The following PLG variants were observed in gnomAD, a reference collection of about 807,000 sequenced individuals.
PLG encodes the protein plasmin.
A neutral mutation model predicts 104.4 loss-of-function variants in PLG; 41 were observed. That is an observed-to-expected ratio of 0.39 (90% confidence interval 0.31 to 0.51). The LOEUF (loss-of-function observed/expected upper bound fraction) is 0.51. Among genes scored for constraint, PLG ranks in the 20% least tolerant of loss-of-function variants. The pLI is 0.76. For synonymous variants in PLG, 337 were observed against 357.1 expected, an observed-to-expected ratio of 0.94 and a Z score of 0.63; for missense variants, 891 against 1,003.6, an observed-to-expected ratio of 0.89 and a Z score of 1.52.
In PLG at chr6:160,737,657, A is replaced by G. The variant is rs768000397; in HGVS notation, c.1802+650A>G. ...GGAAGCAAGCATAGGAAACAGGCCC[A>G]TCCGTCTGCCTGTTTTGCTTCCTCA... On this transcript the variant is annotated intron_variant, in intron 14 of 18. Transcript: ENST00000308192. The surrounding 1 kb of genome is among the most constrained non-coding windows in gnomAD (Gnocchi z 4.7). Among the ~76,000 whole-genome samples, 13 of 152,312 alleles carry G rather than the reference A, an allele frequency of 8.5e-5. No homozygotes were observed. Among genetic ancestry groups the G allele is most frequent in the Non-Finnish European group, 1.6e-4 (11 of 68,028 alleles).
intron 3 of PLG, 22 bp from the exon 4 acceptor site, chr6:160,711,055 C>A (rs1777631209): frequency 1.2e-6 from 2 of 1,611,918 alleles, no homozygotes; most frequent in African/African-American, 1.3e-5. Context: ...AGACTTTGAC[C>A]ACTGTGTGGA....
rs768658886 is a variant in PLG, at chr6:160,718,647, CT to C, written c.951-40del. The stretch of plus-strand genomic sequence containing the variant: ...TGTTCTCAAAGCGTGGTTCCCTAGA[CT>C]TTTTTCTTTTTGGAAAGCTAAACTC... On this transcript the variant is annotated intron_variant, in intron 8 of 18. Transcript: ENST00000308192. 20 of 1,605,088 alleles carry C rather than the reference CT, an allele frequency of 1.2e-5. 2 individuals are homozygous for C. In the South Asian group the frequency reaches 2.2e-4, roughly 18 times the overall value.
Position 160,720,391 on chromosome 6 carries a change from CTCTT to C in PLG, c.1096+1555_1096+1558del, listed in dbSNP as rs1400448919. On this transcript the variant is annotated intron_variant, in intron 9 of 18. Coordinates refer to ENST00000308192, the MANE Select transcript of PLG (RefSeq NM_000301.5). ...TGTAGATTGTTGATTTTTTTCTTTT[CTCTT>C]TTTTCTTTTCTTTTCTTTTTTTTTT... Among the ~76,000 whole-genome samples the C allele has an allele frequency of 4.9e-5, 6 of 121,454 alleles. No homozygotes were observed. The East Asian group carries it at 6.7e-4, about 14-fold the overall frequency. The allele number at this position is 121,454 out of a possible 152,430, so 79.7% of individuals were successfully genotyped here. A position where few individuals can be genotyped will look rare whatever the true frequency, so the allele number is the denominator to read the frequency against.
At chr6:160,702,505 A>G (rs1777436230) in intron 1 of PLG, 152 bp downstream of exon 1, 1 of 1,120,864 alleles carries the variant, frequency 8.9e-7, no homozygotes, top group African/African-American at 1.6e-5. Context: ...GAATTCTTCA[A>G]GAAATAAGTT....
chr6:160,711,532 T>C (rs974211163), intron 4 of PLG: 3 of 1,579,364 alleles, frequency 1.9e-6, no homozygotes, highest in African/African-American at 1.3e-5. Context: ...CCAACTGTAT[T>C]TAGGATAATT....
chr6:160,728,616 T>C (rs1261109610), intron 10 of PLG, among the ~76,000 whole-genome samples: 6 of 152,122 alleles, frequency 3.9e-5, no homozygotes, highest in African/African-American at 1.4e-4. Context: ...TCAATTTAGT[T>C]TCTAGGTAGG....
intron 5 of PLG, chr6:160,713,470 C>T (rs772116870): frequency 1.9e-5 from 6 of 322,174 alleles, no homozygotes; most frequent in East Asian, 7.9e-5. Context: ...GGTTTCTCCA[C>T]GTAGGTCAGG....
intron 17 of PLG, among the ~76,000 whole-genome samples, chr6:160,748,432 G>A (rs1483252295): frequency 1.4e-5 from 1 of 70,422 alleles, no homozygotes; most frequent in Non-Finnish European, 2.7e-5. Flanking sequence ...GAAAGAGAAC[G>A]AAAGAAAGAA....
intron 1 of PLG, among the ~76,000 whole-genome samples, chr6:160,704,422 T>C (rs12212146): frequency 0.041 from 6,279 of 152,326 alleles, 213 homozygotes; most frequent in Non-Finnish European, 0.069. Flanking sequence ...AGTTGTAGCC[T>C]GCTCTGCTAT....
At position 160,741,085 on chromosome 6, in the gene PLG, T is replaced by A. The variant is rs1333049138; in HGVS notation, c.2019-226T>A. 1.3e-5 allele frequency among the ~76,000 whole-genome samples: 2 copies of A among 152,236 alleles called. No homozygotes were observed. The highest frequency in any genetic ancestry group is 4.8e-5 in the African/African-American group (2 of 41,460). On this transcript the variant is annotated intron_variant, in intron 16 of 18. Coordinates refer to ENST00000308192, the MANE Select transcript of PLG (RefSeq NM_000301.5). The surrounding 1 kb of genome is among the most constrained non-coding windows in gnomAD (Gnocchi z 4.7). Reference sequence around the variant, plus strand: ...AAGGTGAAGGCCACCAGCAGTATCTTGCATGCAACTGATGCCTTTCAAATG... The same window carrying A: ...AAGGTGAAGGCCACCAGCAGTATCTAGCATGCAACTGATGCCTTTCAAATG...
In PLG at chr6:160,707,749, A is replaced by G; in HGVS notation, c.235A>G (p.Asn79Asp). 6.2e-7 allele frequency: 1 copy of G among 1,611,652 alleles called. No homozygotes were observed. Among genetic ancestry groups the G allele is most frequent in the South Asian group, 1.1e-5 (1 of 90,976 alleles). The change falls in exon 3 of 19, where the codon AAC becomes GAC. Residue 79 changes from asparagine to aspartate, a missense_variant. By Grantham distance (23) the Asn-to-Asp change is conservative. Coordinates refer to ENST00000308192, the MANE Select transcript of PLG (RefSeq NM_000301.5). ...GCAACAATGTGTGATAATGGCTGAA[A>G]ACAGGAAGTCCTCCATAATCATTAG... ...KEQQCVIMAE[N>D]RKSSIIIRMR...
intron 9 of PLG, among the ~76,000 whole-genome samples, chr6:160,720,410 C>CTTTTTTTTTTTT (rs3057066): frequency 0.018 from 1,070 of 58,550 alleles, 216 homozygotes; most frequent in Non-Finnish European, 0.021. Context: ...CTTTTCTTTT[C>CTTTTTTTTTTTT]TTTTTTTTTT....
rs1164180350 is a variant in PLG at position 160,711,718 on chromosome 6, A to T, written c.407+527A>T. On this transcript the variant is annotated intron_variant, in intron 4 of 18. Transcript: ENST00000308192. ...TAGAAGAATGCCTAGTTTAAAAAAA[A>T]TCAATGAAACTATGAGTTTTAGGCC... The T allele has an allele frequency of 8.7e-6, 14 of 1,608,476 alleles. No homozygotes were observed. The East Asian group carries it at 1.3e-4, about 15-fold the overall frequency.
intron 9 of PLG, 117 bp from the exon 10 acceptor site, chr6:160,722,291 C>A: frequency 2.8e-6 from 2 of 707,700 alleles, no homozygotes; most frequent in Non-Finnish European, 2.6e-6. Flanking sequence ...TCTGCTAATA[C>A]AGAAAAGAGA....
intron 6 of PLG, among the ~76,000 whole-genome samples, chr6:160,716,081 G>A (rs1777724395): frequency 6.6e-6 from 1 of 152,230 alleles, no homozygotes; most frequent in Non-Finnish European, 1.5e-5. Flanking sequence ...GCAGAGCCTG[G>A]TAGACCAGAA....
intron 1 of PLG, chr6:160,705,304 T>A (rs1777500775): frequency 6.7e-6 from 1 of 149,848 alleles, no homozygotes; most frequent in African/African-American, 2.5e-5. Context: ...CCTGTAGCCT[T>A]GTGGTGGGAG....
chr6:160,704,329 G>A (rs1218343763), intron 1 of PLG, among the ~76,000 whole-genome samples: 2 of 152,218 alleles, frequency 1.3e-5, no homozygotes, highest in Non-Finnish European at 2.9e-5. Context: ...TCTCAGCAGC[G>A]ATGCGCTATG....
In PLG at chr6:160,752,641, A is replaced by G. The variant is rs1386471189; in HGVS notation, c.2272-259A>G. Among the ~76,000 whole-genome samples, 1 of 152,186 alleles carries G rather than the reference A, an allele frequency of 6.6e-6. No homozygotes were observed. The highest frequency in any genetic ancestry group is 1.5e-5 in the Non-Finnish European group (1 of 68,030). ...TGCCCAGGCTAGCCCAGTCTAAAGG[A>G]AACACCAACATAGGAAGGGATGTGT... On this transcript the variant is annotated intron_variant, in intron 18 of 18. Transcript: ENST00000308192. The surrounding 1 kb of genome is among the most constrained non-coding windows in gnomAD (Gnocchi z 4.7).
intron 3 of PLG, 88 bp from the exon 4 acceptor site, chr6:160,710,989 A>G (rs1396887736): frequency 9.1e-5 from 110 of 1,214,648 alleles, no homozygotes; most frequent in Non-Finnish European, 1.3e-4. Flanking sequence ...CTGGTGCATG[A>G]GATCTTTTTC....
Sources: allele counts gnomAD v4.1 joint callset (sites outside exome capture counted in the v4.1 genomes callset), GRCh38; gene constraint gnomAD v4.1.1; non-coding constraint Gnocchi (gnomAD v3.1); transcripts MANE v1.5; gene names NCBI Gene and HGNC (gene_info 2026-07-23, HGNC 2026-07-21).